ZNF536: variants seen among roughly 807,000 people sequenced by gnomAD.
ZNF536 encodes zinc finger protein 536.
Under a neutral mutation model 84.5 loss-of-function variants are expected in ZNF536, and 13 were observed. The ratio of observed to expected loss-of-function variants is 0.15; its 90% CI spans 0.10 to 0.24. The LOEUF (loss-of-function observed/expected upper bound fraction) is 0.24. Ranked by LOEUF, ZNF536 falls within the 10% of genes least tolerant of loss-of-function variation. ZNF536 has a pLI of 1.00. For synonymous variants in ZNF536, 811 were observed against 742.5 expected (o/e 1.09, Z -1.50); for missense variants, 1,536 against 1,747.5 (o/e 0.88, Z 2.16).
At chr19:30,442,470 G>A (rs745752916) in intron 1 of ZNF536, among the ~76,000 whole-genome samples, 7 of 152,212 alleles carry the variant, frequency 4.6e-5, no homozygotes, top group Non-Finnish European at 7.3e-5. Flanking sequence ...AAACTTGGTT[G>A]AGACTTCCTA....
chr19:30,620,950 G>A (rs1299517508), intron 1 of ZNF536, among the ~76,000 whole-genome samples: 1 of 151,696 alleles, frequency 6.6e-6, no homozygotes, highest in Non-Finnish European at 1.5e-5. Context: ...TTTTATAATA[G>A]TCTTTATATT....
intron 1 of ZNF536, among the ~76,000 whole-genome samples, chr19:30,697,899 T>A (rs2051730597): frequency 6.6e-6 from 1 of 152,220 alleles, no homozygotes; most frequent in African/African-American, 2.4e-5. Context: ...TGATGTGGGG[T>A]GTTGGTTTCT....
In ZNF536 at chr19:30,512,105, T is replaced by G. The variant is rs193055868; in HGVS notation, c.2171-22742T>G. Among the ~76,000 whole-genome samples the G allele has an allele frequency of 1.0e-3, 155 of 152,332 alleles. 1 individual carries two copies. The highest frequency in any genetic ancestry group is 2.0e-3 in the Non-Finnish European group (136 of 68,024). ...TTTAAACTTAAAATGATGAAAAGTT[T>G]CTGAGCTTCAGGATCCTCTTACTGG... On this transcript the variant is annotated intron_variant, in intron 2 of 4. Coordinates refer to ENST00000355537, the MANE Select transcript of ZNF536 (RefSeq NM_014717.3).
chr19:30,505,580 C>T (rs2055142119), intron 2 of ZNF536, among the ~76,000 whole-genome samples: 1 of 151,578 alleles, frequency 6.6e-6, no homozygotes, highest in African/African-American at 2.4e-5. Flanking sequence ...CATTTGGAAA[C>T]AATTTAAATG....
intron 1 of ZNF536, among the ~76,000 whole-genome samples, chr19:30,605,940 G>T (rs958394269): frequency 6.6e-6 from 1 of 151,940 alleles, no homozygotes; most frequent in African/African-American, 2.4e-5. Context: ...AAAGACTTTG[G>T]CCATTTGAAA....
At chr19:30,353,641 C>A (rs2048006111) in intron 3 of ZNF536, among the ~76,000 whole-genome samples, 1 of 152,120 alleles carries the variant, frequency 6.6e-6, no homozygotes, top group Non-Finnish European at 1.5e-5. Flanking sequence ...TAGTTCCTTC[C>A]ACAGCATATC....
chr19:30,366,582 GTCTATCTATCTATCTA>G lies in ZNF536; in HGVS notation c.-3+14129_-3+14144del, dbSNP rs72156657. ...TTCTTCCTCTCTAGATCTATCATTTGTCTATCTATCTATCTATCTATCTATCTATCTATCTATCTAT... is the reference window on the plus strand; with the variant it reads ...TTCTTCCTCTCTAGATCTATCATTTGTCTATCTATCTATCTATCTATCTAT... On this transcript the variant is annotated intron_variant, in intron 3 of 5. Coordinates refer to the ZNF536 transcript ENST00000585628. Among the ~76,000 whole-genome samples, 1,274 of 148,134 alleles carry G rather than the reference GTCTATCTATCTATCTA, an allele frequency of 8.6e-3. 7 individuals carry two copies. Among genetic ancestry groups the G allele is most frequent in the Non-Finnish European group, 0.011 (760 of 67,186 alleles).
rs749712758 is a variant in ZNF536 at position 30,347,107 on chromosome 19, CT to C, written c.-119-5248del. 2.8e-3 allele frequency among the ~76,000 whole-genome samples: 206 copies of C among 73,674 alleles called. 2 individuals carry two copies. The highest frequency in any genetic ancestry group is 2.8e-3 in the Non-Finnish European group (119 of 43,202). The allele number at this position is 73,674 out of a possible 152,430, so 48.3% of individuals were successfully genotyped here. ...TCTAATGATCAGCGATGTTGAAGGG[CT>C]TTTTTTTTTTTTATATGATTCTTGG... On this transcript the variant is annotated intron_variant, in intron 2 of 5. Coordinates refer to the ZNF536 transcript ENST00000585628.
At chr19:30,619,937 C>A (rs536727495) in intron 1 of ZNF536, among the ~76,000 whole-genome samples, 1 of 152,000 alleles carries the variant, frequency 6.6e-6, no homozygotes, top group East Asian at 1.9e-4. Flanking sequence ...GTTTATTGGG[C>A]TATTCTGCTT....
At chr19:30,573,461 G>A (rs550441174) in intron 1 of ZNF536, among the ~76,000 whole-genome samples, 4 of 152,240 alleles carry the variant, frequency 2.6e-5, no homozygotes, top group Admixed American at 2.6e-4. Flanking sequence ...CTGGGCCTAG[G>A]GGAGGCATCA....
At chr19:30,579,096 C>T (rs942294126) in intron 1 of ZNF536, among the ~76,000 whole-genome samples, 3 of 152,188 alleles carry the variant, frequency 2.0e-5, no homozygotes, top group African/African-American at 7.2e-5. Flanking sequence ...TGATCATTAA[C>T]TGTGAGTTAC....
At chr19:30,269,072 G>T (rs1050038318) in intron 1 of ZNF536, among the ~76,000 whole-genome samples, 1 of 152,210 alleles carries the variant, frequency 6.6e-6, no homozygotes. Flanking sequence ...AAACACTCAC[G>T]GTCTTTAGTG....
At chr19:30,460,951 C>A (rs2148419174) in intron 2 of ZNF536, among the ~76,000 whole-genome samples, 1 of 152,276 alleles carries the variant, frequency 6.6e-6, no homozygotes, top group South Asian at 2.1e-4. Context: ...CAGGTAGAAA[C>A]AAGATGCCTG....
intron 1 of ZNF536, among the ~76,000 whole-genome samples, chr19:30,580,729 C>T (rs1418336561): frequency 6.6e-6 from 1 of 152,198 alleles, no homozygotes; most frequent in Non-Finnish European, 1.5e-5. Context: ...GAGGAAATTC[C>T]AGCTCATCCT....
At chr19:30,301,264 A>T (rs568656370) in intron 2 of ZNF536, among the ~76,000 whole-genome samples, 8 of 152,034 alleles carry the variant, frequency 5.3e-5, no homozygotes, top group Non-Finnish European at 1.0e-4. Flanking sequence ...AACAGAAATA[A>T]CCTCTTCACA....
At chr19:30,385,395 G>T (rs1288081821) in intron 1 of ZNF536, among the ~76,000 whole-genome samples, 1 of 152,134 alleles carries the variant, frequency 6.6e-6, no homozygotes, top group Non-Finnish European at 1.5e-5. Flanking sequence ...GCACTGGGGG[G>T]ACAGCTGCCT....
chr19:30,651,336 A>G (rs1374069540), intron 1 of ZNF536, among the ~76,000 whole-genome samples: 1 of 152,206 alleles, frequency 6.6e-6, no homozygotes, highest in African/African-American at 2.4e-5. Flanking sequence ...GATGCTGACA[A>G]GAAGATTTGA....
At chr19:30,454,007 C>T in intron 2 of ZNF536, among the ~76,000 whole-genome samples, 1 of 152,250 alleles carries the variant, frequency 6.6e-6, no homozygotes, top group East Asian at 1.9e-4. Context: ...TTAACGGTGC[C>T]CAGCCAGGAG....
chr19:30,698,077 A>C (rs1357090921), intron 1 of ZNF536, among the ~76,000 whole-genome samples: 1 of 152,214 alleles, frequency 6.6e-6, no homozygotes, highest in Non-Finnish European at 1.5e-5. Flanking sequence ...GGATCACCTG[A>C]GGTCAACTGT....
Sources: gnomAD v4.1 joint callset for allele counts (sites outside exome capture counted in the v4.1 genomes callset) on GRCh38, gnomAD v4.1.1 for gene constraint, MANE v1.5 for transcripts, NCBI Gene and HGNC (gene_info 2026-07-23, HGNC 2026-07-21) for gene names.